The following SCIMP variants were observed in gnomAD, a reference collection of about 807,000 sequenced individuals.
The protein encoded by SCIMP is SLP adaptor and CSK interacting membrane protein, also known as SLP adapter and CSK-interacting membrane protein.
Under a neutral mutation model 22.0 loss-of-function variants are expected in SCIMP, and 18 were observed. The observed-to-expected ratio is 0.82, with a 90% confidence interval of 0.56 to 1.21. SCIMP has a LOEUF of 1.21. Ranked by LOEUF, SCIMP falls within the 50% of genes most tolerant of loss-of-function variation. SCIMP has a pLI of 0.00. For missense variants in SCIMP, 155 were observed against 171.2 expected (o/e 0.91, Z 0.53); for synonymous variants, 53 against 62.2 (o/e 0.85, Z 0.70).
At chr17:5,232,065 A>C (rs78534596) in intron 1 of SCIMP, among the ~76,000 whole-genome samples, 16,622 of 151,764 alleles carry the variant, frequency 0.11, 1,054 homozygotes, top group Non-Finnish European at 0.13. Flanking sequence ...CAAAAACAAA[A>C]AAAAAAAACT....
intron 3 of SCIMP, among the ~76,000 whole-genome samples, chr17:5,220,692 C>T (rs1426841829): frequency 2.0e-5 from 3 of 151,162 alleles, no homozygotes; most frequent in South Asian, 2.1e-4. Flanking sequence ...TGCAGTGAGC[C>T]GAGATTGCGC....
intron 1 of SCIMP, among the ~76,000 whole-genome samples, chr17:5,227,805 A>T (rs1272132404): frequency 6.6e-6 from 1 of 152,186 alleles, no homozygotes; most frequent in Non-Finnish European, 1.5e-5. Flanking sequence ...TCGTGAGGCC[A>T]TCCTTTCTCC....
At chr17:5,228,764 T>A (rs2074671572) in intron 1 of SCIMP, among the ~76,000 whole-genome samples, 1 of 152,214 alleles carries the variant, frequency 6.6e-6, no homozygotes, top group Non-Finnish European at 1.5e-5. Context: ...TCTCCCACAC[T>A]GATGGGCAAG....
chr17:5,233,950 G>A (rs1175016002), intron 1 of SCIMP: 2 of 152,220 alleles, frequency 1.3e-5, no homozygotes, highest in African/African-American at 4.8e-5. Context: ...AAGGTACCAA[G>A]ACTGGAGGTG....
chr17:5,230,265 A>C (rs980777441), intron 1 of SCIMP, among the ~76,000 whole-genome samples: 5 of 152,214 alleles, frequency 3.3e-5, no homozygotes, highest in African/African-American at 1.2e-4. Flanking sequence ...ACCAAGCATG[A>C]GGCATTATTA....
At chr17:5,217,156 C>T (rs1397923088) in intron 3 of SCIMP, among the ~76,000 whole-genome samples, 1 of 152,076 alleles carries the variant, frequency 6.6e-6, no homozygotes, top group East Asian at 1.9e-4. Flanking sequence ...AAGTCTAGCT[C>T]CTCTCACTTT....
At chr17:5,217,660 G>A (rs2144316302) in intron 3 of SCIMP, among the ~76,000 whole-genome samples, 1 of 149,494 alleles carries the variant, frequency 6.7e-6, no homozygotes, top group East Asian at 2.0e-4. Flanking sequence ...AGAACATGCG[G>A]TGTTTGTTTT....
chr17:5,234,241 A>C (rs2074726355), intron 1 of SCIMP, among the ~76,000 whole-genome samples: 1 of 152,166 alleles, frequency 6.6e-6, no homozygotes, highest in African/African-American at 2.4e-5. Context: ...ACTGCACTCC[A>C]GCCTGGGCGA....
At chr17:5,222,247 G>A (rs144390084) in intron 2 of SCIMP, among the ~76,000 whole-genome samples, 1,568 of 151,670 alleles carry the variant, frequency 0.01, 26 homozygotes, top group African/African-American at 0.036. Context: ...CTGCCACCAC[G>A]CCCGGCTAAT....
chr17:5,223,543 GTT>G, intron 1 of SCIMP, 87 bp from the exon 2 acceptor site: 1 of 1,212,334 alleles, frequency 8.2e-7, no homozygotes. Flanking sequence ...ACTGTGGGTT[GTT>G]TTTTTTTTCT....
chr17:5,224,132 T>A (rs1001760473), intron 1 of SCIMP, among the ~76,000 whole-genome samples: 2 of 152,138 alleles, frequency 1.3e-5, no homozygotes, highest in Non-Finnish European at 2.9e-5. Flanking sequence ...AATAATTGAC[T>A]GCAGGGTTGT....
intron 4 of SCIMP, among the ~76,000 whole-genome samples, chr17:5,212,648 CA>C (rs1282970394): frequency 6.6e-6 from 1 of 151,364 alleles, no homozygotes; most frequent in African/African-American, 2.4e-5. Context: ...AACAAACAAA[CA>C]AAAAAATGTA....
chr17:5,221,186 G>A (rs779202885), intron 3 of SCIMP, 101 bp downstream of exon 3: 2 of 865,932 alleles, frequency 2.3e-6, no homozygotes, highest in African/African-American at 1.7e-5. Flanking sequence ...TACAGGAAAT[G>A]CGGATGTCTC....
chr17:5,214,890 C>A, intron 4 of SCIMP, 35 bp downstream of exon 4: 1 of 1,053,830 alleles, frequency 9.5e-7, no homozygotes, highest in South Asian at 1.3e-5. Context: ...GTTATCTTAC[C>A]CTAAATGAAA....
intron 3 of SCIMP, among the ~76,000 whole-genome samples, chr17:5,217,076 G>A (rs549740866): frequency 1.5e-4 from 23 of 152,036 alleles, no homozygotes; most frequent in Non-Finnish European, 3.1e-4. Flanking sequence ...CTCCACCGGC[G>A]GCTCTCACCA....
chr17:5,213,454 C>G (rs1316750413), intron 4 of SCIMP: 1 of 159,056 alleles, frequency 6.3e-6, no homozygotes, highest in South Asian at 2.0e-4. Flanking sequence ...CCAGGCTGTT[C>G]TCAGACTCCT....
chr17:5,215,083 G>T, intron 3 of SCIMP, 85 bp from the exon 4 acceptor site: 2 of 835,270 alleles, frequency 2.4e-6, no homozygotes, highest in Non-Finnish European at 4.2e-6. Context: ...ATCAAGGAAA[G>T]TGAATGGGTT....
chr17:5,231,815 G>T (rs560764781), intron 1 of SCIMP, among the ~76,000 whole-genome samples: 2 of 152,360 alleles, frequency 1.3e-5, no homozygotes, highest in East Asian at 3.9e-4. Context: ...AGCACTTTGG[G>T]AGGCTGAGGC....
intron 1 of SCIMP, chr17:5,234,480 C>T (rs945122203): frequency 1.8e-6 from 1 of 551,882 alleles, no homozygotes; most frequent in Non-Finnish European, 3.3e-6. Context: ...TTCATCGCCC[C>T]TGACATACAC....
Sources: allele counts gnomAD v4.1 joint callset (sites outside exome capture counted in the v4.1 genomes callset), GRCh38; gene constraint gnomAD v4.1.1; transcripts MANE v1.5; gene names NCBI Gene and HGNC (gene_info 2026-07-23, HGNC 2026-07-21).